Variants in CRX observed in about 807,000 individuals in gnomAD.
CRX encodes the protein cone-rod homeobox protein.
Under a neutral mutation model 13.1 loss-of-function variants are expected in CRX, and 5 were observed. The observed-to-expected ratio is 0.38, with a 90% CI of 0.20 to 0.80. The LOEUF is 0.80. CRX is among the 30% of genes least tolerant of loss of function. The probability of loss-of-function intolerance (pLI) is 0.43; values close to 1 mark genes in which losing one functional copy is unlikely to be tolerated. For missense variants in CRX, 351 were observed against 391.8 expected, an observed-to-expected ratio of 0.90 and a Z score of 0.88; for synonymous variants, 179 against 171.1, an observed-to-expected ratio of 1.05 and a Z score of -0.36.
intron 1 of CRX, among the ~76,000 whole-genome samples, chr19:47,833,768 C>T (rs10403212): frequency 0.022 from 1,531 of 70,104 alleles, 11 homozygotes; most frequent in Non-Finnish European, 0.034. Flanking sequence ...AGCGTGTTTG[C>T]CCATGGTCAA....
chr19:47,840,227 T>C lies in CRX; in HGVS notation c.*260T>C, dbSNP rs1968178164. The C allele has an allele frequency of 2.0e-6, 1 of 494,106 alleles. No individual in the cohort carries two copies. Among genetic ancestry groups the C allele is most frequent in the African/African-American group, 1.9e-5 (1 of 51,876 alleles). The allele number at this position is 494,106 out of a possible 1,614,324, so 30.6% of individuals were successfully genotyped here. A position where few individuals can be genotyped will look rare whatever the true frequency, so the allele number is the denominator to read the frequency against. Reference sequence around the variant, plus strand: ...TCTGGCACGATTGTGACCGCTGAAGTACACCACGAGCTCCAGGCTTCAGAA... The same window carrying C: ...TCTGGCACGATTGTGACCGCTGAAGCACACCACGAGCTCCAGGCTTCAGAA... On this transcript the variant is annotated 3_prime_UTR_variant, in exon 4 of 4. Transcript: ENST00000221996.
intron 1 of CRX, among the ~76,000 whole-genome samples, chr19:47,825,482 A>T (rs17272610): frequency 0.2 from 30,704 of 152,088 alleles, 3,348 homozygotes; most frequent in Non-Finnish European, 0.23. Context: ...ACCCAGGGAA[A>T]GATTTCAGTG....
chr19:47,840,723 T>TTTC lies in CRX; in HGVS notation c.*756_*757insTTC, dbSNP rs1555802168. Reference sequence around the variant, plus strand: ...CGGCCCTTTTTTTTTTTTTTTTTTTTAATTGAGACGGAGTCTCACTCTTTT... The same window carrying TTTC: ...CGGCCCTTTTTTTTTTTTTTTTTTTTTTCAATTGAGACGGAGTCTCACTCTTTT... On this transcript the variant is annotated 3_prime_UTR_variant, in exon 4 of 4. Transcript: ENST00000221996. 1.4e-5 allele frequency: 2 copies of TTTC among 140,430 alleles called. No homozygotes were observed. The highest frequency in any genetic ancestry group is 3.1e-5 in the Non-Finnish European group (2 of 65,348). The allele number at this position is 140,430 out of a possible 1,614,324, so 8.7% of individuals were successfully genotyped here. A position where few individuals can be genotyped will look rare whatever the true frequency, so the allele number is the denominator to read the frequency against.
At chr19:47,830,850 GAC>G (rs1968035533) in intron 1 of CRX, among the ~76,000 whole-genome samples, 1 of 150,528 alleles carries the variant, frequency 6.6e-6, no homozygotes, top group Non-Finnish European at 1.5e-5. Flanking sequence ...AGTCAGGAAA[GAC>G]GGGCTGGAGA....
chr19:47,822,810 T>C (rs533901781), intron 1 of CRX, among the ~76,000 whole-genome samples: 11 of 152,310 alleles, frequency 7.2e-5, no homozygotes, highest in African/African-American at 2.6e-4. Flanking sequence ...TTGTTTGTTT[T>C]TGAGATGGAG....
intron 1 of CRX, among the ~76,000 whole-genome samples, chr19:47,822,921 GT>G (rs1967929514): frequency 6.6e-6 from 1 of 152,130 alleles, no homozygotes; most frequent in African/African-American, 2.4e-5. Flanking sequence ...AGCCTCTTGA[GT>G]AGCTGGAATT....
rs1268576006 is a variant in CRX, at chr19:47,843,015, C to T, written c.*3048C>T. On this transcript the variant is annotated 3_prime_UTR_variant, in exon 4 of 4. Coordinates refer to ENST00000221996, the MANE Select transcript of CRX (RefSeq NM_000554.6). The stretch of plus-strand genomic sequence containing the variant: ...GGTAAGACTTCGAGAGAGCCTGATC[C>T]TGGGGTCTTCTGAGACTCCACCAGG... 1.3e-5 allele frequency: 2 copies of T among 152,220 alleles called. No individual in the cohort carries two copies. Among genetic ancestry groups the T allele is most frequent in the Non-Finnish European group, 2.9e-5 (2 of 68,084 alleles). 9.4% of individuals were successfully genotyped at this position (152,220 alleles called of 1,614,324 possible).
intron 2 of CRX, among the ~76,000 whole-genome samples, chr19:47,835,617 C>CTTTTTTTTTT (rs1431411160): frequency 1.2e-5 from 1 of 86,138 alleles, no homozygotes; most frequent in African/African-American, 4.6e-5. Flanking sequence ...TTCTTTAGCT[C>CTTTTTTTTTT]TTGTTTTTTT....
chr19:47,823,575 G>A (rs1967937880), intron 1 of CRX, among the ~76,000 whole-genome samples: 2 of 152,008 alleles, frequency 1.3e-5, no homozygotes, highest in African/African-American at 2.4e-5. Context: ...TGGAGTGGCT[G>A]ACAAGGGAGG....
At chr19:47,829,900 G>A (rs1020938534) in intron 1 of CRX, among the ~76,000 whole-genome samples, 7 of 151,594 alleles carry the variant, frequency 4.6e-5, no homozygotes, top group African/African-American at 1.7e-4. Context: ...CTCCCAAAGT[G>A]CTGAGATTAT....
In CRX at chr19:47,839,886, G is replaced by A. The variant is rs756636410; in HGVS notation, c.819G>A (p.Thr273=). ...PVDSLEFKDP[T]GTWKFTYNPM... ...ATAGCTTGGAATTCAAGGACCCCAC[G>A]GGCACCTGGAAATTCACCTACAATC... The change falls in exon 4 of 4, where the codon ACG becomes ACA. Residue 273 remains threonine, a synonymous_variant. Coordinates refer to ENST00000221996, the MANE Select transcript of CRX (RefSeq NM_000554.6). The surrounding 1 kb of genome is among the most constrained non-coding windows in gnomAD (Gnocchi z 4.6). The A allele has an allele frequency of 3.1e-6, 5 of 1,613,938 alleles. No individual in the cohort carries two copies. Among genetic ancestry groups the A allele is most frequent in the Non-Finnish European group, 4.2e-6 (5 of 1,180,028 alleles).
intron 1 of CRX, among the ~76,000 whole-genome samples, chr19:47,832,105 G>GTTTTTTGTT (rs1555801484): frequency 1.1e-5 from 1 of 91,986 alleles, no homozygotes; most frequent in African/African-American, 4.6e-5. Flanking sequence ...GCAGCCTTAT[G>GTTTTTTGTT]TTTTTTTTTT....
chr19:47,824,926 T>C (rs954729622), intron 1 of CRX, among the ~76,000 whole-genome samples: 1 of 151,412 alleles, frequency 6.6e-6, no homozygotes, highest in African/African-American at 2.4e-5. Flanking sequence ...TGCCGAGTGA[T>C]GAATTCCTGG....
Position 47,839,549 on chromosome 19 carries a change from C to A in CRX, c.482C>A (p.Ser161Tyr), listed in dbSNP as rs778724958. 1 of 1,613,046 alleles carries A rather than the reference C, an allele frequency of 6.2e-7. No homozygotes were observed. Among genetic ancestry groups the A allele is most frequent in the South Asian group, 1.1e-5 (1 of 91,022 alleles). The change falls in exon 4 of 4, where the codon TCC becomes TAC. Residue 161 changes from serine to tyrosine, a missense_variant. Around this residue, in one of 3 missense-constraint regions of CRX, gnomAD observed 253 missense variants for 268.3 expected, o/e 0.94. Transcript: ENST00000221996. This position sits in a 1 kb window ranked among gnomAD's most constrained non-coding sequence, Gnocchi z 4.6. ...CCAACCACGGCAGTGGCCACTGTGT[C>A]CATCTGGAGCCCAGCCTCAGAGTCC... ...GSPTTAVATVSIWSPASESPL... is the reference protein window; with the variant it reads ...GSPTTAVATVYIWSPASESPL...
At chr19:47,832,258 A>G (rs1432855531) in intron 1 of CRX, among the ~76,000 whole-genome samples, 1 of 136,000 alleles carries the variant, frequency 7.4e-6, no homozygotes, top group Non-Finnish European at 1.5e-5. Context: ...GGCACGCGCC[A>G]CCATGCCCGG....
rs1228663520 is a variant in CRX, at chr19:47,840,809, G to A, written c.*842G>A. On this transcript the variant is annotated 3_prime_UTR_variant, in exon 4 of 4. Coordinates refer to ENST00000221996, the MANE Select transcript of CRX (RefSeq NM_000554.6). ...ACTGACTGCAACCTCCACCTCCCGG[G>A]TTGAAGCGTTGCTCCTGCCTCAATC... is the stretch of plus-strand genomic sequence containing the variant. 1 of 149,930 alleles carries A rather than the reference G, an allele frequency of 6.7e-6. No homozygotes were observed. Among genetic ancestry groups the A allele is most frequent in the African/African-American group, 2.5e-5 (1 of 40,762 alleles). 9.3% of individuals were successfully genotyped at this position (149,930 alleles called of 1,614,324 possible).
Position 47,834,498 on chromosome 19 carries a change from A to T in CRX, c.55A>T (p.Ser19Cys). Residue 19 changes from serine to cysteine, a missense_variant, in exon 2 of 4, where the codon AGT becomes TGT. Around this residue, in one of 3 missense-constraint regions of CRX, gnomAD observed 95 missense variants for 106.7 expected, o/e 0.89. Coordinates refer to ENST00000221996, the MANE Select transcript of CRX (RefSeq NM_000554.6). ...CTATTCTGTCAACGCCTTGGCCCTA[A>T]GTGGCCCCAGTGTGGATCTGATGCA... The part of the protein sequence containing the change: ...PHYSVNALAL[S>C]GPSVDLMHQA... The T allele has an allele frequency of 6.2e-7, 1 of 1,614,154 alleles. No homozygotes were observed. Among genetic ancestry groups the T allele is most frequent in the South Asian group, 1.1e-5 (1 of 91,080 alleles).
rs937907656 is a variant in CRX, at chr19:47,839,473, C to T, written c.406C>T (p.Leu136=). ...RPSTDVCPDP[L]GISDSYSPPL... ...CTCCACAGATGTGTGTCCAGACCCT[C>T]TGGGCATCTCAGATTCCTACAGTCC... is the stretch of plus-strand genomic sequence containing the variant. Residue 136 remains leucine (L), a synonymous_variant, in exon 4 of 4, where the codon CTG becomes TTG. Coordinates refer to ENST00000221996, the MANE Select transcript of CRX (RefSeq NM_000554.6). The surrounding 1 kb of genome is among the most constrained non-coding windows in gnomAD (Gnocchi z 4.6). The T allele has an allele frequency of 2.5e-6, 4 of 1,614,060 alleles. No homozygotes were observed. Among genetic ancestry groups the T allele is most frequent in the Non-Finnish European group, 1.7e-6 (2 of 1,179,960 alleles).
chr19:47,834,642 G>T (rs370833623), intron 2 of CRX, 99 bp downstream of exon 2: 2 of 875,726 alleles, frequency 2.3e-6, no homozygotes, highest in African/African-American at 1.7e-5. Flanking sequence ...TCACAGGGGC[G>T]ACTTCAGGGC....
Sources: gnomAD v4.1 joint callset for allele counts (sites outside exome capture counted in the v4.1 genomes callset) on GRCh38, gnomAD v4.1.1 for gene constraint, gnomAD v4.1.1 regional missense constraint, Gnocchi (gnomAD v3.1) non-coding constraint, MANE v1.5 for transcripts, NCBI Gene and HGNC (gene_info 2026-07-23, HGNC 2026-07-21) for gene names.